Variants in MYO7B observed in about 807,000 individuals in gnomAD.
MYO7B encodes the protein unconventional myosin-VIIb.
Under a neutral mutation model 259.7 loss-of-function variants are expected in MYO7B, and 212 were observed. The observed-to-expected ratio is 0.82, with a 90% CI of 0.73 to 0.91. MYO7B has a LOEUF of 0.91. MYO7B is among the 40% of genes least tolerant of loss of function. MYO7B has a pLI of 0.00. For synonymous variants in MYO7B, 1,197 were observed against 1,166.4 expected, an observed-to-expected ratio of 1.03 and a Z score of -0.54; for missense variants, 2,732 against 2,813.5, an observed-to-expected ratio of 0.97 and a Z score of 0.66.
At position 127,636,051 on chromosome 2, in the gene MYO7B, C is replaced by G. The variant is rs1336222469; in HGVS notation, c.6006+144C>G. 9 of 1,083,908 alleles carry G rather than the reference C, an allele frequency of 8.3e-6. No homozygotes were observed. The highest frequency in any genetic ancestry group is 4.8e-5 in the African/African-American group (3 of 63,056). The allele number at this position is 1,083,908 out of a possible 1,614,324, so 67.1% of individuals were successfully genotyped here. On this transcript the variant is annotated intron_variant, in intron 44 of 47. Transcript: ENST00000409816. The surrounding 1 kb of genome is among the most constrained non-coding windows in gnomAD (Gnocchi z 4.5). ...GTGGGCTGGCTCTGCACACACCACGCCTTCCTATGCCATCCACAGCACCGA... is the reference window on the plus strand; with the variant it reads ...GTGGGCTGGCTCTGCACACACCACGGCTTCCTATGCCATCCACAGCACCGA...
intron 43 of MYO7B, 76 bp downstream of exon 43, chr2:127,635,302 AGCAGGCCAGG>A: frequency 7.1e-7 from 1 of 1,410,022 alleles, no homozygotes; most frequent in Non-Finnish European, 9.8e-7. Flanking sequence ...TGTAGAAGCC[AGCAGGCCAGG>A]GCAGGGCCAG....
At position 127,631,756 on chromosome 2, in the gene MYO7B, C is replaced by T. The variant is rs1005593448; in HGVS notation, c.5249+3C>T. On this transcript the variant is annotated splice_donor_region_variant and intron_variant, in intron 38 of 47. Transcript: ENST00000409816. ...CAGCTGACGCACAACTCCAACAGGTCTGCTGGGGCGGCGGCCAGCCCACGC... is the reference window on the plus strand; with the variant it reads ...CAGCTGACGCACAACTCCAACAGGTTTGCTGGGGCGGCGGCCAGCCCACGC... 6.2e-7 allele frequency: 1 copy of T among 1,611,902 alleles called. No individual in the cohort carries two copies.
chr2:127,600,745 T>G (rs1208632404), intron 19 of MYO7B, among the ~76,000 whole-genome samples: 1 of 152,174 alleles, frequency 6.6e-6, no homozygotes, highest in Non-Finnish European at 1.5e-5. Flanking sequence ...AAAAACATTC[T>G]TGTCCTTTTC....
intron 39 of MYO7B, among the ~76,000 whole-genome samples, 172 bp from the exon 40 acceptor site, chr2:127,633,086 G>T (rs574752967): frequency 1.3e-5 from 2 of 152,326 alleles, no homozygotes; most frequent in Admixed American, 6.5e-5. Context: ...CTCTGAGGCC[G>T]CGTGGAGCCA....
In MYO7B at chr2:127,586,412, T is replaced by C. The variant is rs575093628; in HGVS notation, c.1690+1499T>C. Among the ~76,000 whole-genome samples, 8 of 152,296 alleles carry C rather than the reference T, an allele frequency of 5.3e-5. No homozygotes were observed. The South Asian group carries it at 1.5e-3, about 28-fold the overall frequency. On this transcript the variant is annotated intron_variant, in intron 14 of 47. Transcript: ENST00000409816. This position sits in a 1 kb window ranked among gnomAD's most constrained non-coding sequence, Gnocchi z 4.8. Reference sequence around the variant, plus strand: ...AGGAATGAGGAGGTGTTCTGGTCTATTTAACTGGAGACAGGAATCCAGGGA... The same window carrying C: ...AGGAATGAGGAGGTGTTCTGGTCTACTTAACTGGAGACAGGAATCCAGGGA...
intron 1 of MYO7B, among the ~76,000 whole-genome samples, chr2:127,549,131 CTCTT>C (rs752821210): frequency 4.4e-4 from 63 of 143,616 alleles, no homozygotes; most frequent in Non-Finnish European, 4.9e-4. Flanking sequence ...TCTTCTTTCT[CTCTT>C]TCTTTCTTCT....
Position 127,629,843 on chromosome 2 carries a change from CCT to C in MYO7B, c.4806+18_4806+19del, listed in dbSNP as rs1681369976. On this transcript the variant is annotated intron_variant, in intron 35 of 47. Transcript: ENST00000409816. ...CAGCTGCTGGTAACTGGCACGCTCC[CCT>C]GTCCTCAGCCTGGGTACCCGAGGTC... 2.0e-6 allele frequency: 3 copies of C among 1,538,206 alleles called. No homozygotes were observed. Among genetic ancestry groups the C allele is most frequent in the South Asian group, 2.5e-5 (2 of 79,712 alleles).
chr2:127,607,969 G>A lies in MYO7B; in HGVS notation c.2643+545G>A, dbSNP rs1332279998. Among the ~76,000 whole-genome samples, 6 of 152,332 alleles carry A rather than the reference G, an allele frequency of 3.9e-5. No homozygotes were observed. Among genetic ancestry groups the A allele is most frequent in the Non-Finnish European group, 4.4e-5 (3 of 68,028 alleles). ...CCTGGTTACTGGGCTGTGTATGACA[G>A]CTCAGGGGACAGAGAAATATTAATA... On this transcript the variant is annotated intron_variant, in intron 21 of 47. Transcript: ENST00000409816. This position sits in a 1 kb window ranked among gnomAD's most constrained non-coding sequence, Gnocchi z 4.4.
rs969035688 is a variant in MYO7B at position 127,573,882 on chromosome 2, C to G, written c.593-38C>G. On this transcript the variant is annotated intron_variant, in intron 6 of 47. Coordinates refer to ENST00000409816, the MANE Select transcript of MYO7B (RefSeq NM_001393586.1). Reference sequence around the variant, plus strand: ...TCCCACTCAAATTACATTTTCTCCTCTCTGCTCCCATCATGGGCATCGCCC... The same window carrying G: ...TCCCACTCAAATTACATTTTCTCCTGTCTGCTCCCATCATGGGCATCGCCC... 6 of 1,612,926 alleles carry G rather than the reference C, an allele frequency of 3.7e-6. No homozygotes were observed. In the African/African-American group the frequency reaches 8.0e-5, roughly 22 times the overall value.
chr2:127,593,736 G>T (rs1679660263), intron 18 of MYO7B, 92 bp downstream of exon 18: 2 of 1,185,634 alleles, frequency 1.7e-6, no homozygotes, highest in African/African-American at 1.5e-5. Context: ...TGGTCCATGT[G>T]CCCTGAGCCA....
chr2:127,598,344 T>C (rs907483877), intron 19 of MYO7B, among the ~76,000 whole-genome samples: 3 of 152,256 alleles, frequency 2.0e-5, no homozygotes, highest in Non-Finnish European at 2.9e-5. Flanking sequence ...GTCCTTACCA[T>C]TTCCCGATGT....
rs563091893 is a variant in MYO7B, at chr2:127,624,156, G to A, written c.3883G>A (p.Ala1295Thr). ...TGCCATCGCCCGGTGTGAGCAGATG[G>A]CCCAGGAGAGGGGCGAGAGCCAGCG... is the stretch of plus-strand genomic sequence containing the variant. The part of the protein sequence containing the change: ...MDAIARCEQM[A>T]QERGESQRQS... Residue 1295 changes from alanine (A) to threonine (T), a missense_variant, in exon 30 of 48, where the codon GCC (alanine) becomes ACC (threonine). Ala to Thr is a moderately conservative substitution (Grantham distance 58, BLOSUM62 0). Transcript: ENST00000409816. The A allele has an allele frequency of 2.2e-4, 349 of 1,595,826 alleles. 3 individuals carry two copies. The South Asian group carries it at 3.5e-3, about 16-fold the overall frequency.
intron 14 of MYO7B, among the ~76,000 whole-genome samples, chr2:127,587,934 C>T (rs941357614): frequency 6.6e-6 from 1 of 152,174 alleles, no homozygotes; most frequent in Admixed American, 6.5e-5. Context: ...CCTCATTTTA[C>T]TTTAATCCCC....
rs777270106 is a variant in MYO7B, at chr2:127,566,760, T to C, written c.403T>C (p.Phe135Leu). ...RHMGELPPHV[F>L]AIANNCYFSM... ...TATGGGCGAGCTGCCCCCGCATGTC[T>C]TTGCCATCGCCAACAACTGCTACTT... The change falls in exon 5 of 48, where the codon TTT becomes CTT. Residue 135 changes from phenylalanine (F) to leucine (L), a missense_variant. By Grantham distance (22) the Phe-to-Leu change is conservative (BLOSUM62 0). Transcript: ENST00000409816. The C allele has an allele frequency of 1.1e-5, 18 of 1,612,660 alleles. No individual in the cohort carries two copies. Among genetic ancestry groups the C allele is most frequent in the Non-Finnish European group, 1.4e-5 (16 of 1,179,868 alleles).
At position 127,634,163 on chromosome 2, in the gene MYO7B, C is replaced by T. The variant is rs370280694; in HGVS notation, c.5512-13C>T. 6.9e-6 allele frequency: 11 copies of T among 1,589,292 alleles called. No homozygotes were observed. Among genetic ancestry groups the T allele is most frequent in the Non-Finnish European group, 9.4e-6 (11 of 1,168,148 alleles). On this transcript the variant is annotated splice_polypyrimidine_tract_variant and intron_variant, in intron 40 of 47. Transcript: ENST00000409816. ...GCCAGGCCCCGGGCCTCACCAGCTG[C>T]CTCTCTGTCCAGATGCTGGAGGTGG...
Position 127,550,111 on chromosome 2 carries a change from T to C in MYO7B, c.-23-9589T>C, listed in dbSNP as rs186749397. ...CATCCCAGAAAAAGCTGTGATTGGCTCTGGCTTGGACCACATGGCCGCTTG... is the reference window on the plus strand; with the variant it reads ...CATCCCAGAAAAAGCTGTGATTGGCCCTGGCTTGGACCACATGGCCGCTTG... On this transcript the variant is annotated intron_variant, in intron 1 of 47. Transcript: ENST00000409816. Among the ~76,000 whole-genome samples, 4 of 152,280 alleles carry C rather than the reference T, an allele frequency of 2.6e-5. No individual in the cohort carries two copies. The East Asian group carries it at 7.7e-4, about 29-fold the overall frequency.
At chr2:127,562,992 A>G (rs560235566) in intron 2 of MYO7B, among the ~76,000 whole-genome samples, 1 of 152,266 alleles carries the variant, frequency 6.6e-6, no homozygotes, top group South Asian at 2.1e-4. Context: ...CCATGTTTTT[A>G]TAATCAGGGT....
chr2:127,540,630 G>A (rs1229388399), intron 1 of MYO7B, among the ~76,000 whole-genome samples: 1 of 152,172 alleles, frequency 6.6e-6, no homozygotes, highest in Admixed American at 6.5e-5. Context: ...TGGAATGAAG[G>A]GGGGCATCCA....
chr2:127,554,353 C>T (rs920562538), intron 1 of MYO7B, among the ~76,000 whole-genome samples: 5 of 152,354 alleles, frequency 3.3e-5, no homozygotes, highest in African/African-American at 9.6e-5. Flanking sequence ...GGATTACAGG[C>T]ATGAGCCACT....
Sources: gnomAD v4.1 joint callset for allele counts (sites outside exome capture counted in the v4.1 genomes callset) on GRCh38, gnomAD v4.1.1 for gene constraint, Gnocchi (gnomAD v3.1) non-coding constraint, MANE v1.5 for transcripts, NCBI Gene and HGNC (gene_info 2026-07-23, HGNC 2026-07-21) for gene names.